The following LMO1 variants were observed in gnomAD, a reference collection of about 807,000 sequenced individuals.
The protein encoded by LMO1 is LIM domain only 1, also known as rhombotin-1.
In LMO1, 10 loss-of-function variants were observed where a neutral mutation model predicts 18.0. That is an observed-to-expected ratio of 0.55 (90% CI 0.34 to 0.94). LMO1 has a LOEUF of 0.94. LMO1 is among the 40% of genes least tolerant of loss of function. LMO1 has a pLI of 0.02. For synonymous variants in LMO1, 77 were observed against 77.9 expected (o/e 0.99, Z 0.06); for missense variants, 183 against 205.7 (o/e 0.89, Z 0.68).
At chr11:8,253,357 T>C (rs971249849) in intron 1 of LMO1, among the ~76,000 whole-genome samples, 1 of 152,242 alleles carries the variant, frequency 6.6e-6, no homozygotes, top group Admixed American at 6.5e-5. Context: ...ACCAGTCATC[T>C]ACAAGACTCT....
chr11:8,226,964 C>A lies in LMO1; in HGVS notation c.365+11G>T, dbSNP rs767473877. ...TGGGGAGTGTGTTGGGTCGGCCAGT[C>A]CAGCACTGACCTCTGGTTGCAGAGC... On this transcript the variant is annotated intron_variant, in intron 3 of 3. Coordinates refer to ENST00000335790, the MANE Select transcript of LMO1 (RefSeq NM_002315.3). The A allele has an allele frequency of 4.3e-6, 7 of 1,611,092 alleles. 1 individual carries two copies. In the Admixed American group the frequency reaches 1.2e-4, roughly 27 times the overall value.
chr11:8,225,186 G>T (rs947532472), intron 3 of LMO1, among the ~76,000 whole-genome samples: 79 of 151,956 alleles, frequency 5.2e-4, no homozygotes, highest in African/African-American at 1.8e-3. Flanking sequence ...GGCTGAGGTG[G>T]GTGGATCACG....
upstream of LMO1, among the ~76,000 whole-genome samples, chr11:8,267,589 T>C (rs1847274196): frequency 6.6e-6 from 1 of 152,174 alleles, no homozygotes; most frequent in Non-Finnish European, 1.5e-5. Flanking sequence ...GACCCAGGGA[T>C]GGATGGAAAT....
At chr11:8,236,573 G>C (rs996909826) in intron 1 of LMO1, among the ~76,000 whole-genome samples, 59 of 152,076 alleles carry the variant, frequency 3.9e-4, no homozygotes, top group African/African-American at 1.3e-3. Context: ...TGCATGCTGA[G>C]GGGGGCTGAG....
intron 2 of LMO1, among the ~76,000 whole-genome samples, chr11:8,230,005 G>A (rs1565175901): frequency 1.3e-5 from 2 of 152,210 alleles, no homozygotes; most frequent in South Asian, 2.1e-4. Context: ...GCAGGGGGGC[G>A]GAGCCAGACT....
intron 2 of LMO1, among the ~76,000 whole-genome samples, chr11:8,229,970 G>T (rs1200607726): frequency 1.3e-5 from 2 of 152,234 alleles, no homozygotes; most frequent in African/African-American, 4.8e-5. Flanking sequence ...TTCCAGATCA[G>T]GTGGGTCAGA....
At position 8,224,435 on chromosome 11, in the gene LMO1, T is replaced by G; in HGVS notation, c.*181A>C. The G allele has an allele frequency of 1.7e-6, 1 of 573,152 alleles. No individual in the cohort carries two copies. 35.5% of individuals were successfully genotyped at this position (573,152 alleles called of 1,614,324 possible). On this transcript the variant is annotated 3_prime_UTR_variant, in exon 4 of 4. Transcript: ENST00000335790. ...AGGCCCGGCCTGGCCCCAGGAGGGG[T>G]CACACACAGACGGGCGGTGGTGGAG... is the stretch of plus-strand genomic sequence containing the variant.
chr11:8,261,106 T>G (rs1847179363), intron 1 of LMO1, among the ~76,000 whole-genome samples: 1 of 152,134 alleles, frequency 6.6e-6, no homozygotes, highest in African/African-American at 2.4e-5. Context: ...AGCAGAAACG[T>G]CGCTTTTGAA....
intron 1 of LMO1, among the ~76,000 whole-genome samples, chr11:8,246,648 A>C (rs1231220090): frequency 6.6e-6 from 1 of 152,238 alleles, no homozygotes; most frequent in East Asian, 1.9e-4. Flanking sequence ...AAAACCACTA[A>C]AGTATCTATT....
intron 1 of LMO1, among the ~76,000 whole-genome samples, chr11:8,245,879 C>T (rs1846884974): frequency 6.6e-6 from 1 of 152,148 alleles, no homozygotes; most frequent in Admixed American, 6.5e-5. Context: ...AGCCTCTGCT[C>T]CTGGTGAGTC....
chr11:8,224,577 G>T lies in LMO1; in HGVS notation c.*39C>A. On this transcript the variant is annotated 3_prime_UTR_variant, in exon 4 of 4. Transcript: ENST00000335790. ...GCCGGCCAGGCAGGTGGGCAGGCGG[G>T]CAGATGGACAGACGGGCCTGGAGGC... The T allele has an allele frequency of 7.5e-7, 1 of 1,324,860 alleles. No homozygotes were observed. Among genetic ancestry groups the T allele is most frequent in the Non-Finnish European group, 1.1e-6 (1 of 941,754 alleles). 82.1% of individuals were successfully genotyped at this position (1,324,860 alleles called of 1,614,324 possible).
At chr11:8,230,534 G>A in intron 1 of LMO1, 30 bp from the exon 2 acceptor site, 1 of 1,598,834 alleles carries the variant, frequency 6.3e-7, no homozygotes, top group Non-Finnish European at 8.5e-7. Flanking sequence ...CAGCAACGCA[G>A]GATGGGCCCC....
chr11:8,246,075 G>T (rs551571861), intron 1 of LMO1, among the ~76,000 whole-genome samples: 2 of 152,236 alleles, frequency 1.3e-5, no homozygotes, highest in South Asian at 4.2e-4. Context: ...AGCCATCCCC[G>T]TGATCCAATC....
chr11:8,259,132 C>G (rs1054300720), intron 1 of LMO1, among the ~76,000 whole-genome samples: 2 of 152,058 alleles, frequency 1.3e-5, no homozygotes, highest in Non-Finnish European at 2.9e-5. Flanking sequence ...AGCAAGACAC[C>G]GCCATCCAAG....
upstream of LMO1, chr11:8,268,309 C>T: frequency 1.2e-6 from 1 of 815,298 alleles, no homozygotes; most frequent in Non-Finnish European, 1.7e-6. Flanking sequence ...GGAGGAGGCC[C>T]GCGGGTGCTG....
chr11:8,244,495 A>G (rs1479708258), intron 1 of LMO1, among the ~76,000 whole-genome samples: 1 of 152,268 alleles, frequency 6.6e-6, no homozygotes, highest in African/African-American at 2.4e-5. Context: ...ATTTATTACG[A>G]TGATTAGCAG....
intron 1 of LMO1, among the ~76,000 whole-genome samples, chr11:8,260,081 G>C (rs1847160826): frequency 6.6e-6 from 1 of 152,094 alleles, no homozygotes; most frequent in Non-Finnish European, 1.5e-5. Context: ...ATCCCCAGCT[G>C]GATGCCCCAG....
intron 3 of LMO1, among the ~76,000 whole-genome samples, chr11:8,225,022 G>A (rs1337126124): frequency 6.6e-6 from 1 of 152,060 alleles, no homozygotes; most frequent in Non-Finnish European, 1.5e-5. Context: ...GGTTAGGGGG[G>A]TTGGTGGAGA....
intron 1 of LMO1, among the ~76,000 whole-genome samples, chr11:8,240,925 T>TG (rs1565181427): frequency 6.6e-6 from 1 of 152,248 alleles, no homozygotes; most frequent in South Asian, 2.1e-4. Context: ...GGTTCTTTAG[T>TG]GGGGGGAATT....
Sources: gnomAD v4.1 joint callset for allele counts (sites outside exome capture counted in the v4.1 genomes callset) on GRCh38, gnomAD v4.1.1 for gene constraint, MANE v1.5 for transcripts, NCBI Gene and HGNC (gene_info 2026-07-23, HGNC 2026-07-21) for gene names.